IL6ST: variants seen among roughly 807,000 people sequenced by gnomAD.
The protein encoded by IL6ST is interleukin 6 cytokine family signal transducer.
IL6ST carries 24 observed loss-of-function variants against 91.3 expected under a neutral mutation model. The observed-to-expected ratio is 0.26, with a 90% CI of 0.19 to 0.37. The LOEUF is 0.37. Ranked by LOEUF, IL6ST falls within the 10% of genes least tolerant of loss-of-function variation. The pLI is 1.00. For missense variants in IL6ST, 914 were observed against 1,078.5 expected, an observed-to-expected ratio of 0.85 and a Z score of 2.14; for synonymous variants, 351 against 373.6, an observed-to-expected ratio of 0.94 and a Z score of 0.70.
Position 55,941,723 on chromosome 5 carries a change from C to T in IL6ST, c.2116G>A (p.Glu706Lys). 6.2e-7 allele frequency: 1 copy of T among 1,614,006 alleles called. No homozygotes were observed. The highest frequency in any genetic ancestry group is 8.5e-7 in the Non-Finnish European group (1 of 1,179,972). Residue 706 changes from glutamate to lysine, a missense_variant, in exon 17 of 17, where the codon GAA (glutamate) becomes AAA (lysine). By Grantham distance (56) the Glu-to-Lys change is moderately conservative. Transcript: ENST00000381298. ...IEANDKKPFP[E>K]DLKSLDLFKK... ...AACAGGTCCAATGATTTCAGATCTTCTGGAAAAGGCTTTTTGTCATTTGCT... is the reference window on the plus strand; with the variant it reads ...AACAGGTCCAATGATTTCAGATCTTTTGGAAAAGGCTTTTTGTCATTTGCT...
intron 14 of IL6ST, 149 bp from the exon 15 acceptor site, chr5:55,947,738 CTT>C (rs777072838): frequency 1.7e-6 from 1 of 580,422 alleles, no homozygotes; most frequent in Non-Finnish European, 3.0e-6. Context: ...TCTCTTCAGA[CTT>C]GATGATTTTT....
rs749756987 is a variant in IL6ST, at chr5:55,947,588, A to G, written c.1842T>C (p.Ala614=). 7.5e-6 allele frequency: 5 copies of G among 663,800 alleles called. No homozygotes were observed. Among genetic ancestry groups the G allele is most frequent in the African/African-American group, 2.5e-5 (1 of 40,152 alleles). The allele number at this position is 663,800 out of a possible 1,614,324, so 41.1% of individuals were successfully genotyped here. ...CGACTATGGCTTCAATTTCTCCTTG[A>G]GCTTAAAAAAAAAAAAAAAAAAAAA... ...PEFTFTTPKF[A]QGEIEAIVVP... The change falls in exon 15 of 17, where the codon GCT becomes GCC. Residue 614 remains alanine (A), a splice_region_variant and synonymous_variant. Coordinates refer to ENST00000381298, the MANE Select transcript of IL6ST (RefSeq NM_002184.4).
chr5:55,953,753 T>G (rs149279141), intron 11 of IL6ST, among the ~76,000 whole-genome samples: 1 of 152,182 alleles, frequency 6.6e-6, no homozygotes. Flanking sequence ...CTTTGGGAGT[T>G]TGAGGTAAAA....
intron 8 of IL6ST, 116 bp downstream of exon 8, chr5:55,960,286 C>T: frequency 2.7e-6 from 2 of 749,378 alleles, no homozygotes; most frequent in Middle Eastern, 3.4e-4. Flanking sequence ...TAAAATACTG[C>T]AGTTTGAATA....
At chr5:55,977,408 G>A (rs1031559573) in intron 2 of IL6ST, among the ~76,000 whole-genome samples, 5 of 151,990 alleles carry the variant, frequency 3.3e-5, no homozygotes, top group Non-Finnish European at 4.4e-5. Flanking sequence ...GCAAAACTAA[G>A]GTGACAGAAA....
chr5:55,950,183 T>G (rs950243697), intron 14 of IL6ST: 1 of 494,514 alleles, frequency 2.0e-6, no homozygotes, highest in African/African-American at 1.9e-5. Flanking sequence ...AAAATGTATT[T>G]GGGAAGGAAA....
Position 55,956,055 on chromosome 5 carries a change from C to T in IL6ST, c.1237G>A (p.Val413Ile). Reference sequence around the variant, plus strand: ...AAGTCACAGGCAGGGATAGTTAAAACAGCTGCATCTGATTTGCCAACAAGA... The same window carrying T: ...AAGTCACAGGCAGGGATAGTTAAAATAGCTGCATCTGATTTGCCAACAAGA... ...RNLVGKSDAA[V>I]LTIPACDFQA... The change falls in exon 10 of 17, where the codon GTT (valine) becomes ATT (isoleucine). Residue 413 changes from valine to isoleucine, a missense_variant. By Grantham distance (29) the Val-to-Ile change is conservative. Transcript: ENST00000381298. 2 of 1,613,574 alleles carry T rather than the reference C, an allele frequency of 1.2e-6. No homozygotes were observed. The highest frequency in any genetic ancestry group is 8.5e-7 in the Non-Finnish European group (1 of 1,179,582).
At chr5:55,970,173 C>T (rs1752880091) in intron 3 of IL6ST, among the ~76,000 whole-genome samples, 1 of 152,166 alleles carries the variant, frequency 6.6e-6, no homozygotes, top group African/African-American at 2.4e-5. Context: ...CACAACGTAT[C>T]CTGTCCCTCC....
At position 55,935,614 on chromosome 5, in the gene IL6ST, ATTC is replaced by A. The variant is rs578231329; in HGVS notation, c.*5465_*5467del. 25 of 219,130 alleles carry A rather than the reference ATTC, an allele frequency of 1.1e-4. No individual in the cohort carries two copies. Among genetic ancestry groups the A allele is most frequent in the African/African-American group, 5.6e-4 (25 of 44,668 alleles). The allele number at this position is 219,130 out of a possible 1,614,324, so 13.6% of individuals were successfully genotyped here. On this transcript the variant is annotated 3_prime_UTR_variant, in exon 17 of 17. Coordinates refer to ENST00000381298, the MANE Select transcript of IL6ST (RefSeq NM_002184.4). ...GCTGAGCTTCCTGCTGCTTTCACAC[ATTC>A]TTCTTTTTCTACCTCAGTTCCTCTT...
intron 9 of IL6ST, 48 bp downstream of exon 9, chr5:55,957,156 CAAAAA>C (rs35994470): frequency 6.6e-6 from 5 of 760,792 alleles, no homozygotes; most frequent in East Asian, 3.6e-5. Flanking sequence ...GACTCGGTTT[CAAAAA>C]AAAAAAAAAA....
At chr5:55,990,115 G>A (rs1311258567) in intron 1 of IL6ST, among the ~76,000 whole-genome samples, 3 of 152,164 alleles carry the variant, frequency 2.0e-5, no homozygotes, top group Non-Finnish European at 4.4e-5. Context: ...CAGATTTACA[G>A]TGCTGAAAGG....
chr5:55,939,437 A>G lies in IL6ST; in HGVS notation c.*1645T>C, dbSNP rs1750743243. On this transcript the variant is annotated 3_prime_UTR_variant, in exon 17 of 17. Coordinates refer to ENST00000381298, the MANE Select transcript of IL6ST (RefSeq NM_002184.4). ...AAATGCAAGAATATAAAAGATAAACAGGAAGTCTAATGTGAACAATATTCT... is the reference window on the plus strand; with the variant it reads ...AAATGCAAGAATATAAAAGATAAACGGGAAGTCTAATGTGAACAATATTCT... 5.0e-6 allele frequency: 1 copy of G among 200,958 alleles called. No individual in the cohort carries two copies. The highest frequency in any genetic ancestry group is 6.0e-5 in the Admixed American group (1 of 16,638). The allele number at this position is 200,958 out of a possible 1,614,324, so 12.4% of individuals were successfully genotyped here.
At chr5:55,980,316 G>A (rs886484991) in intron 2 of IL6ST, among the ~76,000 whole-genome samples, 1 of 152,176 alleles carries the variant, frequency 6.6e-6, no homozygotes. Flanking sequence ...CAGGGAGGCC[G>A]AGGTGGGTGG....
At chr5:55,984,061 TTC>T (rs1753814878) in intron 1 of IL6ST, among the ~76,000 whole-genome samples, 1 of 152,164 alleles carries the variant, frequency 6.6e-6, no homozygotes, top group Non-Finnish European at 1.5e-5. Context: ...AGCAAACATT[TTC>T]TGTAAAGGGC....
At chr5:55,950,067 C>CA (rs1295499670) in intron 14 of IL6ST, 1 of 354,358 alleles carries the variant, frequency 2.8e-6, no homozygotes, top group Admixed American at 3.2e-5. Flanking sequence ...AAAGGGTACG[C>CA]ACAATCAACA....
chr5:55,952,431 T>A, intron 11 of IL6ST, 80 bp from the exon 12 acceptor site: 1 of 759,374 alleles, frequency 1.3e-6, no homozygotes, highest in Non-Finnish European at 2.2e-6. Flanking sequence ...TTTTACATTA[T>A]AATTTCATGA....
chr5:55,935,899 A>G lies in IL6ST; in HGVS notation c.*5183T>C. ...AGGATGGACTGTATCTATCATACAC[A>G]TTAGGATAAGATGAGCCACCACACC... On this transcript the variant is annotated 3_prime_UTR_variant, in exon 17 of 17. Transcript: ENST00000381298. The G allele has an allele frequency of 4.6e-6, 1 of 219,062 alleles. No homozygotes were observed. Among genetic ancestry groups the G allele is most frequent in the African/African-American group, 2.2e-5 (1 of 44,682 alleles). The allele number at this position is 219,062 out of a possible 1,614,324, so 13.6% of individuals were successfully genotyped here.
In IL6ST at chr5:55,955,010, A is replaced by G; in HGVS notation, c.1268-18T>C. On this transcript the variant is annotated intron_variant, in intron 10 of 16. Coordinates refer to ENST00000381298, the MANE Select transcript of IL6ST (RefSeq NM_002184.4). ...GTGAGTAGCTTTAAAACAAAGTTTG[A>G]ATATTGAAATAATAAATATTAACAA... 1 of 1,476,364 alleles carries G rather than the reference A, an allele frequency of 6.8e-7. No homozygotes were observed. Among genetic ancestry groups the G allele is most frequent in the Non-Finnish European group, 9.3e-7 (1 of 1,078,372 alleles). 91.5% of individuals were successfully genotyped at this position (1,476,364 alleles called of 1,614,324 possible).
At chr5:55,968,846 A>G (rs754837586) in intron 4 of IL6ST, among the ~76,000 whole-genome samples, 1 of 152,198 alleles carries the variant, frequency 6.6e-6, no homozygotes, top group Non-Finnish European at 1.5e-5. Flanking sequence ...AGTCTGGGTG[A>G]TCCACAAATT....
Sources: allele counts gnomAD v4.1 joint callset (sites outside exome capture counted in the v4.1 genomes callset), GRCh38; gene constraint gnomAD v4.1.1; transcripts MANE v1.5; gene names NCBI Gene and HGNC (gene_info 2026-07-23, HGNC 2026-07-21).